ASH1L: variants seen among roughly 807,000 people sequenced by gnomAD.
The protein encoded by ASH1L is ASH1 like histone lysine methyltransferase, also known as histone-lysine N-methyltransferase ASH1L.
ASH1L carries 23 observed loss-of-function variants against 269.0 expected under a neutral mutation model. The ratio of observed to expected loss-of-function variants is 0.09; its 90% CI spans 0.06 to 0.12. ASH1L has a LOEUF of 0.12. Among genes scored for constraint, ASH1L ranks in the 10% least tolerant of loss-of-function variants. ASH1L has a pLI of 1.00. For synonymous variants in ASH1L, 1,187 were observed against 1,253.5 expected (o/e 0.95, Z 1.12); for missense variants, 2,912 against 3,567.8 (o/e 0.82, Z 4.68).
intron 21 of ASH1L, among the ~76,000 whole-genome samples, chr1:155,345,344 C>T (rs1416090333): frequency 6.6e-6 from 1 of 151,328 alleles, no homozygotes; most frequent in African/African-American, 2.4e-5. Flanking sequence ...CTGCACCCGG[C>T]TAATTTTTTT....
intron 2 of ASH1L, among the ~76,000 whole-genome samples, chr1:155,510,411 C>CAAAAA (rs1161549080): frequency 2.4e-5 from 1 of 40,948 alleles, no homozygotes; most frequent in Non-Finnish European, 5.8e-5. Flanking sequence ...AAGGCTGCCT[C>CAAAAA]AAAAAAAAAA....
chr1:155,492,934 C>T (rs1205020428), intron 2 of ASH1L, among the ~76,000 whole-genome samples: 2 of 152,090 alleles, frequency 1.3e-5, no homozygotes, highest in Admixed American at 6.6e-5. Context: ...AGCCAACATC[C>T]CACCTCAGCC....
intron 17 of ASH1L, among the ~76,000 whole-genome samples, chr1:155,351,378 C>T (rs568923880): frequency 1.1e-4 from 16 of 150,816 alleles, no homozygotes; most frequent in African/African-American, 2.4e-4. Flanking sequence ...GTTGAAACCC[C>T]GTCTCACTAC....
intron 4 of ASH1L, among the ~76,000 whole-genome samples, chr1:155,457,708 T>C (rs956834707): frequency 1.3e-5 from 2 of 152,236 alleles, no homozygotes. Flanking sequence ...CTCGTATTTG[T>C]ATTCCCAGTG....
chr1:155,384,528 A>T (rs1305196937), intron 7 of ASH1L, among the ~76,000 whole-genome samples: 3 of 151,788 alleles, frequency 2.0e-5, no homozygotes, highest in Non-Finnish European at 2.9e-5. Context: ...TCTCCTGAGT[A>T]GTTGGGATGA....
chr1:155,530,558 T>A (rs1366885977), intron 1 of ASH1L, among the ~76,000 whole-genome samples: 2 of 125,536 alleles, frequency 1.6e-5, no homozygotes, highest in Non-Finnish European at 3.7e-5. Flanking sequence ...AAACCCCGTC[T>A]CTACTAAAAA....
intron 1 of ASH1L, among the ~76,000 whole-genome samples, chr1:155,531,151 C>A (rs1367690325): frequency 6.6e-6 from 1 of 151,610 alleles, no homozygotes; most frequent in Non-Finnish European, 1.5e-5. Flanking sequence ...AAGAGAGACC[C>A]CCATCTCAAA....
At chr1:155,443,794 T>A (rs1172949945) in intron 4 of ASH1L, among the ~76,000 whole-genome samples, 1 of 152,180 alleles carries the variant, frequency 6.6e-6, no homozygotes, top group African/African-American at 2.4e-5. Flanking sequence ...ATTCACATAT[T>A]TCTTTTTACA....
chr1:155,490,555 T>C (rs1191110907), intron 2 of ASH1L, among the ~76,000 whole-genome samples: 1 of 150,708 alleles, frequency 6.6e-6, no homozygotes, highest in Non-Finnish European at 1.5e-5. Context: ...GAGACGGAGA[T>C]TGCAGTGAGC....
Position 155,478,138 on chromosome 1 carries a change from C to G in ASH1L, c.4732G>C (p.Asp1578His). ...AAGCTTGGAGAACTTTCTGAACAGT[C>G]AATCTGTAAAGGTGTCTGCAATCCC... Reference protein sequence around the residue: ...ALGLQTPLQIDCSESSPSLSL... With the variant: ...ALGLQTPLQIHCSESSPSLSL... Residue 1578 changes from aspartate to histidine, a missense_variant, in exon 3 of 28, where the codon GAC becomes CAC. Asp to His is a moderately conservative substitution (Grantham distance 81, BLOSUM62 -1). This residue lies in a region of ASH1L where 789 missense variants were observed against 897.6 expected (regional missense o/e 0.88). Transcript: ENST00000392403. This position sits in a 1 kb window ranked among gnomAD's most constrained non-coding sequence, Gnocchi z 4.6. The G allele has an allele frequency of 1.2e-6, 2 of 1,613,872 alleles. No homozygotes were observed. Among genetic ancestry groups the G allele is most frequent in the Non-Finnish European group, 1.7e-6 (2 of 1,180,004 alleles).
At chr1:155,376,216 G>A (rs989633198) in intron 10 of ASH1L, among the ~76,000 whole-genome samples, 8 of 152,296 alleles carry the variant, frequency 5.3e-5, no homozygotes, top group Middle Eastern at 6.8e-3. Flanking sequence ...GAACCTGTAT[G>A]TACATAAAAT....
upstream of ASH1L, chr1:155,562,905 C>G (rs574769664): frequency 2.2e-6 from 1 of 455,074 alleles, no homozygotes; most frequent in African/African-American, 2.0e-5. Flanking sequence ...CCAGCCCCCC[C>G]TACCACCCTC....
At chr1:155,531,519 G>A (rs751493987) in intron 1 of ASH1L, among the ~76,000 whole-genome samples, 1 of 151,632 alleles carries the variant, frequency 6.6e-6, no homozygotes, top group Non-Finnish European at 1.5e-5. Context: ...AGAAAGGTCT[G>A]ACAGAAACAT....
Position 155,345,269 on chromosome 1 carries a change from C to T in ASH1L, c.7891-996G>A, listed in dbSNP as rs60791549. ...GATCTTGGCTCATTGCAACCTCTGCCGCCCAGGTTCAAGTGATTCCCCTGC... is the reference window on the plus strand; with the variant it reads ...GATCTTGGCTCATTGCAACCTCTGCTGCCCAGGTTCAAGTGATTCCCCTGC... On this transcript the variant is annotated intron_variant, in intron 21 of 27. Transcript: ENST00000392403. 6.1e-3 allele frequency among the ~76,000 whole-genome samples: 910 copies of T among 149,576 alleles called. 10 individuals carry two copies. The highest frequency in any genetic ancestry group is 0.022 in the African/African-American group (884 of 40,680).
At chr1:155,533,639 G>A (rs1039584275) in intron 1 of ASH1L, among the ~76,000 whole-genome samples, 2 of 151,446 alleles carry the variant, frequency 1.3e-5, no homozygotes, top group Admixed American at 6.6e-5. Flanking sequence ...ACTTGAACCT[G>A]GCAGGCAAAG....
In ASH1L at chr1:155,338,095, T is replaced by C. The variant is rs754129527; in HGVS notation, c.8797A>G (p.Lys2933Glu). 4.3e-6 allele frequency: 7 copies of C among 1,612,092 alleles called. No individual in the cohort carries two copies. In the Admixed American group the frequency reaches 1.0e-4, roughly 23 times the overall value. Residue 2933 changes from lysine (K) to glutamate (E), a missense_variant, in exon 27 of 28, where the codon AAA (lysine) becomes GAA (glutamate). Lys to Glu is a moderately conservative substitution (Grantham distance 56). Around this residue, in one of 13 missense-constraint regions of ASH1L, gnomAD observed 154 missense variants for 165.0 expected, o/e 0.93. Coordinates refer to ENST00000392403, the MANE Select transcript of ASH1L (RefSeq NM_018489.3). The part of the protein sequence containing the change: ...LLNLLEKIPG[K>E]NAIDVTYLLE... ...TGAACCTGATTCTTCTTACCATTTT[T>C]TCCAGGGATTTTTTCAAGGAGATTG...
intron 5 of ASH1L, among the ~76,000 whole-genome samples, chr1:155,421,232 A>T (rs1302063307): frequency 3.1e-5 from 2 of 64,280 alleles, no homozygotes; most frequent in African/African-American, 1.2e-4. Context: ...CTGTGTCTTA[A>T]AAAAAAAAAA....
intron 25 of ASH1L, 35 bp downstream of exon 25, chr1:155,341,901 C>G (rs764849756): frequency 5.0e-6 from 8 of 1,603,822 alleles, no homozygotes; most frequent in Non-Finnish European, 6.8e-6. Flanking sequence ...CCAGATTGTC[C>G]TAACATGTAG....
At chr1:155,528,714 T>G (rs1387611640) in intron 1 of ASH1L, among the ~76,000 whole-genome samples, 1 of 152,186 alleles carries the variant, frequency 6.6e-6, no homozygotes, top group African/African-American at 2.4e-5. Flanking sequence ...TTTAATATAT[T>G]TAACTTTTAT....
Sources: allele counts gnomAD v4.1 joint callset (sites outside exome capture counted in the v4.1 genomes callset), GRCh38; gene constraint gnomAD v4.1.1; regional missense constraint gnomAD v4.1.1; non-coding constraint Gnocchi (gnomAD v3.1); transcripts MANE v1.5; gene names NCBI Gene and HGNC (gene_info 2026-07-23, HGNC 2026-07-21).